AHRR: variants seen among roughly 807,000 people sequenced by gnomAD.
The protein encoded by AHRR is ahR repressor.
In AHRR, 28 loss-of-function variants were observed where a neutral mutation model predicts 44.0. The observed-to-expected ratio is 0.64, with a 90% CI of 0.47 to 0.87. The LOEUF is 0.87. AHRR is among the 40% of genes least tolerant of loss of function. The pLI is 0.00. For missense variants in AHRR, 990 were observed against 953.9 expected (o/e 1.04, Z -0.50); for synonymous variants, 434 against 407.0 (o/e 1.07, Z -0.80).
At chr5:373,906 C>T (rs142835575) in intron 3 of AHRR, among the ~76,000 whole-genome samples, 5,648 of 150,912 alleles carry the variant, frequency 0.037, 176 homozygotes, top group Middle Eastern at 0.058. Flanking sequence ...CGCGTGACGG[C>T]GCCGGCGGCT....
chr5:429,967 C>G (rs1006280772), intron 8 of AHRR, among the ~76,000 whole-genome samples: 4 of 152,196 alleles, frequency 2.6e-5, no homozygotes, highest in African/African-American at 9.7e-5. Flanking sequence ...CAGATATGTC[C>G]TGATTCCGAT....
In AHRR at chr5:432,826, G is replaced by A. The variant is rs898418850; in HGVS notation, c.991G>A (p.Gly331Ser). 11 of 1,613,762 alleles carry A rather than the reference G, an allele frequency of 6.8e-6. No individual in the cohort carries two copies. Among genetic ancestry groups the A allele is most frequent in the African/African-American group, 1.3e-5 (1 of 74,916 alleles). The change falls in exon 10 of 11, where the codon GGC (glycine) becomes AGC (serine). Residue 331 changes from glycine (G) to serine (S), a missense_variant. Physicochemically the swap from Gly to Ser is moderately conservative, Grantham distance 56. Transcript: ENST00000684583. The part of the protein sequence containing the change: ...YSAGRSSRES[G>S]VLVLREQTDA... ...AACAGGAAGGAGCAGCAGAGAGAGC[G>A]GCGTTTTGGTGCTCAGGGAACAGAC... is the stretch of plus-strand genomic sequence containing the variant.
chr5:389,350 C>T (rs949145920), intron 4 of AHRR, among the ~76,000 whole-genome samples: 12 of 152,148 alleles, frequency 7.9e-5, no homozygotes, highest in Non-Finnish European at 1.0e-4. Flanking sequence ...CCAGAGAGAT[C>T]GCTGGGAAGT....
intron 4 of AHRR, among the ~76,000 whole-genome samples, chr5:381,217 C>G (rs1228366831): frequency 1.3e-5 from 2 of 152,256 alleles, no homozygotes; most frequent in African/African-American, 4.8e-5. Context: ...CCAATCTCCT[C>G]TGGAAACACT....
chr5:335,626 T>C (rs1314926061), intron 1 of AHRR, among the ~76,000 whole-genome samples: 1 of 152,230 alleles, frequency 6.6e-6, no homozygotes, highest in Non-Finnish European at 1.5e-5. Flanking sequence ...CATGGCAGAA[T>C]GCCTGGATGA....
intron 4 of AHRR, among the ~76,000 whole-genome samples, chr5:389,240 C>T (rs1734303368): frequency 6.6e-6 from 1 of 151,914 alleles, no homozygotes; most frequent in African/African-American, 2.4e-5. Context: ...GACAGTGAGC[C>T]GAGGCTCCAG....
At chr5:340,688 A>ATATATATATTTTTTTTT (rs1269938749) in intron 1 of AHRR, among the ~76,000 whole-genome samples, 1 of 12,928 alleles carries the variant, frequency 7.7e-5, no homozygotes, top group Non-Finnish European at 1.3e-4. Context: ...ATATATATAT[A>ATATATATATTTTTTTTT]TTTTTTTTTT....
At chr5:414,900 C>T (rs1735650096) in intron 5 of AHRR, among the ~76,000 whole-genome samples, 1 of 152,248 alleles carries the variant, frequency 6.6e-6, no homozygotes, top group African/African-American at 2.4e-5. Flanking sequence ...ACCGGCTCAG[C>T]AACGAAGGAC....
At chr5:352,397 G>A (rs1742887113) in intron 2 of AHRR, among the ~76,000 whole-genome samples, 8 of 150,526 alleles carry the variant, frequency 5.3e-5, no homozygotes. Flanking sequence ...GTAGGGGATG[G>A]TCACTCTGAG....
At chr5:345,469 T>C (rs1373105316) in intron 2 of AHRR, among the ~76,000 whole-genome samples, 1 of 127,680 alleles carries the variant, frequency 7.8e-6, no homozygotes, top group African/African-American at 3.2e-5. Flanking sequence ...TCGGATGATG[T>C]CCCTGGCTGT....
chr5:370,911 C>T lies in AHRR; in HGVS notation c.245-5699C>T, dbSNP rs1044910051. Among the ~76,000 whole-genome samples the T allele has an allele frequency of 9.2e-5, 14 of 152,098 alleles. No homozygotes were observed. Among genetic ancestry groups the T allele is most frequent in the South Asian group, 2.1e-4 (1 of 4,790 alleles). On this transcript the variant is annotated intron_variant, in intron 3 of 10. Transcript: ENST00000684583. This position sits in a 1 kb window ranked among gnomAD's most constrained non-coding sequence, Gnocchi z 4.5. Reference sequence around the variant, plus strand: ...GTGGAGCTCTCGGCCGACCTCGGGCCGGGCTTTACAGGGCATGTCAGTTAG... The same window carrying T: ...GTGGAGCTCTCGGCCGACCTCGGGCTGGGCTTTACAGGGCATGTCAGTTAG...
intron 4 of AHRR, among the ~76,000 whole-genome samples, chr5:380,373 G>C (rs1003661664): frequency 6.6e-6 from 1 of 152,026 alleles, no homozygotes; most frequent in Non-Finnish European, 1.5e-5. Context: ...AAAAATCCCT[G>C]CTGGGATTTT....
chr5:325,111 T>C (rs1741659392), intron 1 of AHRR, among the ~76,000 whole-genome samples: 1 of 152,154 alleles, frequency 6.6e-6, no homozygotes, highest in African/African-American at 2.4e-5. Context: ...AGTTTGGGAT[T>C]TTGGGGACAA....
At chr5:386,889 G>A (rs947566140) in intron 4 of AHRR, among the ~76,000 whole-genome samples, 1 of 151,946 alleles carries the variant, frequency 6.6e-6, no homozygotes, top group Non-Finnish European at 1.5e-5. Context: ...ACTTCATCCC[G>A]GACACTTTTC....
At chr5:345,774 T>G (rs1486600471) in intron 2 of AHRR, among the ~76,000 whole-genome samples, 1 of 152,030 alleles carries the variant, frequency 6.6e-6, no homozygotes, top group Non-Finnish European at 1.5e-5. Flanking sequence ...CCGTGGTGCC[T>G]CCAAGCACTG....
chr5:376,099 C>T (rs988778305), intron 3 of AHRR, among the ~76,000 whole-genome samples: 10 of 152,112 alleles, frequency 6.6e-5, no homozygotes, highest in African/African-American at 1.9e-4. Context: ...GAGGGAGAGG[C>T]GATGCGGGTG....
chr5:403,203 G>A (rs1735095437), intron 4 of AHRR, among the ~76,000 whole-genome samples: 1 of 152,210 alleles, frequency 6.6e-6, no homozygotes, highest in Non-Finnish European at 1.5e-5. Context: ...GTACCGGGCT[G>A]AGGAGGGGAG....
chr5:331,093 T>C (rs2126328181), intron 1 of AHRR, among the ~76,000 whole-genome samples: 1 of 152,166 alleles, frequency 6.6e-6, no homozygotes, highest in South Asian at 2.1e-4. Flanking sequence ...GCCAGGATGA[T>C]CTTGATCTCT....
intron 2 of AHRR, among the ~76,000 whole-genome samples, chr5:344,946 G>A (rs1013453644): frequency 5.6e-5 from 5 of 89,830 alleles, no homozygotes; most frequent in Non-Finnish European, 1.2e-4. Flanking sequence ...GTGTGTGGGG[G>A]GGGTGTGTGT....
Sources: gnomAD v4.1 joint callset for allele counts (sites outside exome capture counted in the v4.1 genomes callset) on GRCh38, gnomAD v4.1.1 for gene constraint, Gnocchi (gnomAD v3.1) non-coding constraint, MANE v1.5 for transcripts, NCBI Gene and HGNC (gene_info 2026-07-23, HGNC 2026-07-21) for gene names.